The following SLC30A7 variants were observed in gnomAD, a reference collection of about 807,000 sequenced individuals.
SLC30A7 encodes the protein zinc transporter 7.
SLC30A7 carries 35 observed loss-of-function variants against 46.0 expected under a neutral mutation model. That is an observed-to-expected ratio of 0.76 (90% confidence interval 0.58 to 1.01). The LOEUF (loss-of-function observed/expected upper bound fraction) is 1.01, where lower values mean the gene tolerates loss of function less well. Among genes scored for constraint, SLC30A7 ranks in the 50% least tolerant of loss-of-function variants. The probability of loss-of-function intolerance (pLI) is 0.00; values close to 1 mark genes in which losing one functional copy is unlikely to be tolerated. For synonymous variants in SLC30A7, 147 were observed against 157.8 expected (o/e 0.93, Z 0.51); for missense variants, 464 against 451.1 (o/e 1.03, Z -0.26).
Position 100,896,243 on chromosome 1 carries a change from C to T in SLC30A7, c.-20C>T. 8 of 1,612,908 alleles carry T rather than the reference C, an allele frequency of 5.0e-6. No homozygotes were observed. The highest frequency in any genetic ancestry group is 6.8e-6 in the Non-Finnish European group (8 of 1,178,814). On this transcript the variant is annotated 5_prime_UTR_variant, in exon 1 of 11. Transcript: ENST00000357650. The stretch of plus-strand genomic sequence containing the variant: ...CACTTCTAGAGGGGAGTAGACCCGG[C>T]CCTTCGCCGGGCAGAGAAGATGTTG...
chr1:100,990,104 T>C, the SLC30A7 span: 1 of 363,688 alleles, frequency 2.7e-6, no homozygotes, highest in Non-Finnish European at 5.1e-6. Flanking sequence ...CAGTTCCACA[T>C]GGCTGGGAAG....
At chr1:100,952,068 T>C (rs1195492436) in intron 8 of SLC30A7, among the ~76,000 whole-genome samples, 1 of 152,152 alleles carries the variant, frequency 6.6e-6, no homozygotes, top group Non-Finnish European at 1.5e-5. Context: ...GCAGGTGACC[T>C]CTAGATGTCA....
chr1:100,970,585 C>T (rs1434993264), intron 10 of SLC30A7, among the ~76,000 whole-genome samples: 1 of 151,126 alleles, frequency 6.6e-6, no homozygotes, highest in African/African-American at 2.4e-5. Flanking sequence ...AAAAAGTCTT[C>T]TCCCTCTTTT....
At chr1:100,989,841 G>C in the SLC30A7 span, 1 of 153,548 alleles carries the variant, frequency 6.5e-6, no homozygotes. Context: ...TCTGCTTTAT[G>C]TGTACATCCT....
intron 10 of SLC30A7, among the ~76,000 whole-genome samples, chr1:100,970,583 T>TTC (rs1656100802): frequency 6.6e-6 from 1 of 151,828 alleles, no homozygotes; most frequent in South Asian, 2.1e-4. Flanking sequence ...ACAAAAAGTC[T>TTC]TCTCCCTCTT....
intron 3 of SLC30A7, among the ~76,000 whole-genome samples, chr1:100,909,034 C>T (rs991989471): frequency 4.2e-5 from 6 of 143,076 alleles, no homozygotes; most frequent in African/African-American, 1.3e-4. Context: ...TTAATCCTCT[C>T]CTCTCTTTAT....
chr1:100,901,617 G>A (rs1425963882), intron 2 of SLC30A7, among the ~76,000 whole-genome samples: 1 of 152,008 alleles, frequency 6.6e-6, no homozygotes, highest in African/African-American at 2.4e-5. Context: ...GCTAATTTTT[G>A]TATTTTTAGT....
At chr1:100,990,661 A>C in the SLC30A7 span, 1 of 1,596,152 alleles carries the variant, frequency 6.3e-7, no homozygotes, top group Admixed American at 1.7e-5. Context: ...CTGCTATTCA[A>C]TTCAGCAAAT....
At chr1:100,917,126 G>A (rs1272414398) in intron 6 of SLC30A7, among the ~76,000 whole-genome samples, 1 of 152,020 alleles carries the variant, frequency 6.6e-6, no homozygotes. Context: ...CAGTTACACT[G>A]GTATGCTTTA....
chr1:100,896,754 C>T, intron 2 of SLC30A7, 83 bp downstream of exon 2: 1 of 1,174,878 alleles, frequency 8.5e-7, no homozygotes, highest in Non-Finnish European at 1.3e-6. Flanking sequence ...CGTAGCTCCT[C>T]ACTAGGAGGT....
chr1:100,950,456 G>C (rs1286107054), intron 8 of SLC30A7, among the ~76,000 whole-genome samples: 1 of 152,170 alleles, frequency 6.6e-6, no homozygotes, highest in African/African-American at 2.4e-5. Context: ...TCAGCATGGA[G>C]TTTGGGCCCA....
rs1196730126 is a variant in SLC30A7 at position 100,900,284 on chromosome 1, ACACT to A, written c.182+3616_182+3619del. On this transcript the variant is annotated intron_variant, in intron 2 of 10. Coordinates refer to ENST00000357650, the MANE Select transcript of SLC30A7 (RefSeq NM_133496.5). ...ACCATTTTTCCCTTAGACATAGAAG[ACACT>A]CAGGTAACTCTAAAGGTTAATGTCT... Among the ~76,000 whole-genome samples the A allele has an allele frequency of 3.9e-5, 6 of 152,360 alleles. No homozygotes were observed. In the East Asian group the frequency reaches 9.6e-4, roughly 24 times the overall value.
At chr1:100,934,476 T>G (rs551287351) in intron 8 of SLC30A7, among the ~76,000 whole-genome samples, 2 of 152,200 alleles carry the variant, frequency 1.3e-5, no homozygotes, top group South Asian at 4.1e-4. Context: ...TTTGCTCTAT[T>G]ATCCAGATAA....
At chr1:100,942,497 T>A (rs1178985613) in intron 8 of SLC30A7, among the ~76,000 whole-genome samples, 1 of 152,218 alleles carries the variant, frequency 6.6e-6, no homozygotes, top group Admixed American at 6.5e-5. Flanking sequence ...AGTAGACTTC[T>A]GTGAAATGTG....
chr1:100,968,051 A>G (rs1050271237), intron 10 of SLC30A7, among the ~76,000 whole-genome samples: 7 of 152,222 alleles, frequency 4.6e-5, no homozygotes, highest in African/African-American at 1.4e-4. Context: ...AATAAAAAAA[A>G]TTACATATAA....
intron 10 of SLC30A7, among the ~76,000 whole-genome samples, chr1:100,974,471 A>C (rs1238197732): frequency 2.0e-5 from 3 of 152,232 alleles, no homozygotes; most frequent in Admixed American, 6.5e-5. Context: ...GGATTTAGAC[A>C]GGGTTGATGT....
In SLC30A7 at chr1:100,974,929, C is replaced by A. The variant is rs1656377896; in HGVS notation, c.*72C>A. 1 of 1,275,748 alleles carries A rather than the reference C, an allele frequency of 7.8e-7. No individual in the cohort carries two copies. The highest frequency in any genetic ancestry group is 2.0e-5 in the Admixed American group (1 of 49,744). The allele number at this position is 1,275,748 out of a possible 1,614,324, so 79.0% of individuals were successfully genotyped here. ...TACTGTACGATCCAAAACATTGTAC[C>A]CAGCTTTTTAAAAGAGAGAAATTAT... On this transcript the variant is annotated 3_prime_UTR_variant, in exon 11 of 11. Transcript: ENST00000357650.
chr1:100,922,005 G>A (rs6577214), intron 8 of SLC30A7, among the ~76,000 whole-genome samples, 164 bp downstream of exon 8: 3,239 of 146,096 alleles, frequency 0.022, 111 homozygotes, highest in African/African-American at 0.075. Flanking sequence ...CCAGGCTGGA[G>A]TGCTGTGGCA....
intron 6 of SLC30A7, among the ~76,000 whole-genome samples, 192 bp from the exon 7 acceptor site, chr1:100,917,885 A>G (rs536021187): frequency 5.9e-5 from 9 of 152,302 alleles, no homozygotes; most frequent in Non-Finnish European, 1.2e-4. Flanking sequence ...CTTTTGATGA[A>G]TTTTAAAACT....
Sources: gnomAD v4.1 joint callset for allele counts (sites outside exome capture counted in the v4.1 genomes callset) on GRCh38, gnomAD v4.1.1 for gene constraint, MANE v1.5 for transcripts, NCBI Gene and HGNC (gene_info 2026-07-23, HGNC 2026-07-21) for gene names.